Variants in NPAS3 observed in about 807,000 individuals in gnomAD.
NPAS3 encodes neuronal PAS domain-containing protein 3.
In NPAS3, 14 loss-of-function variants were observed where a neutral mutation model predicts 73.1. That is an observed-to-expected ratio of 0.19 (90% CI 0.13 to 0.30). The LOEUF is 0.30. Among genes scored for constraint, NPAS3 ranks in the 10% least tolerant of loss-of-function variants. The pLI is 1.00. For synonymous variants in NPAS3, 620 were observed against 541.5 expected (o/e 1.14, Z -2.01); for missense variants, 1,096 against 1,250.0 (o/e 0.88, Z 1.86).
chr14:33,576,754 A>T (rs1053173330), intron 5 of NPAS3, among the ~76,000 whole-genome samples: 2 of 152,236 alleles, frequency 1.3e-5, no homozygotes, highest in East Asian at 3.8e-4. Flanking sequence ...CGAGAATAAA[A>T]CACAATGTTT....
intron 4 of NPAS3, among the ~76,000 whole-genome samples, chr14:33,543,991 ATATATATAT>A (rs2054654657): frequency 2.6e-5 from 1 of 38,056 alleles, no homozygotes; most frequent in African/African-American, 2.1e-4. Flanking sequence ...ATATATATAT[ATATATATAT>A]ATCTATATCA....
At chr14:33,209,117 AAAG>A (rs2046937646) in intron 2 of NPAS3, among the ~76,000 whole-genome samples, 1 of 152,188 alleles carries the variant, frequency 6.6e-6, no homozygotes, top group Non-Finnish European at 1.5e-5. Context: ...TTTACACCTT[AAAG>A]AAGATTTCTG....
intron 2 of NPAS3, among the ~76,000 whole-genome samples, chr14:33,105,137 A>G (rs1428960170): frequency 1.3e-5 from 2 of 152,212 alleles, no homozygotes; most frequent in Admixed American, 6.6e-5. Context: ...ATCACCAAAC[A>G]TACATCACAC....
rs138673662 is a variant in NPAS3, at chr14:33,440,173, G to A, written c.468+72905G>A. On this transcript the variant is annotated intron_variant, in intron 4 of 11. Transcript: ENST00000356141. ...GGGAGAGTGGCTGATTGTTGAAGCC[G>A]GATGGAACCTGTGAAATTACCCAGC... is the stretch of plus-strand genomic sequence containing the variant. Among the ~76,000 whole-genome samples the A allele has an allele frequency of 4.0e-5, 6 of 151,754 alleles. No homozygotes were observed. The East Asian group carries it at 7.8e-4, about 20-fold the overall frequency.
intron 2 of NPAS3, among the ~76,000 whole-genome samples, chr14:33,119,464 A>G (rs1340549879): frequency 6.6e-6 from 1 of 152,150 alleles, no homozygotes; most frequent in Non-Finnish European, 1.5e-5. Flanking sequence ...ATCAAGGGAC[A>G]TGTAAGTTTC....
chr14:33,204,557 A>C lies in NPAS3; in HGVS notation c.141-10625A>C, dbSNP rs149633964. 3.2e-3 allele frequency among the ~76,000 whole-genome samples: 486 copies of C among 152,196 alleles called. 4 individuals carry two copies. Among genetic ancestry groups the C allele is most frequent in the African/African-American group, 0.011 (472 of 41,524 alleles). ...GATTTGTATACGTTTTCTCCTCCGTAAGAGCCTGTAGCTGCCGTCAGGTTT... is the reference window on the plus strand; with the variant it reads ...GATTTGTATACGTTTTCTCCTCCGTCAGAGCCTGTAGCTGCCGTCAGGTTT... On this transcript the variant is annotated intron_variant, in intron 2 of 11. Transcript: ENST00000356141.
At chr14:33,539,266 G>A (rs1000910277) in intron 4 of NPAS3, among the ~76,000 whole-genome samples, 6 of 152,186 alleles carry the variant, frequency 3.9e-5, no homozygotes, top group Middle Eastern at 6.8e-3. Flanking sequence ...CTAGGGAAGT[G>A]GAGGGCAGGG....
In NPAS3 at chr14:33,297,767, C is replaced by G. The variant is rs147348057; in HGVS notation, c.386-69419C>G. On this transcript the variant is annotated intron_variant, in intron 3 of 11. Transcript: ENST00000356141. Reference sequence around the variant, plus strand: ...GACATTTCCAACTCTTGCCAGAGGACCTTTCTGAGCTCGCTAGTTCACTGG... The same window carrying G: ...GACATTTCCAACTCTTGCCAGAGGAGCTTTCTGAGCTCGCTAGTTCACTGG... Among the ~76,000 whole-genome samples the G allele has an allele frequency of 6.0e-3, 908 of 152,248 alleles. 14 individuals are homozygous for G. The highest frequency in any genetic ancestry group is 0.02 in the African/African-American group (834 of 41,534).
intron 2 of NPAS3, among the ~76,000 whole-genome samples, chr14:33,208,708 G>A (rs570188186): frequency 6.6e-6 from 1 of 152,122 alleles, no homozygotes; most frequent in Non-Finnish European, 1.5e-5. Flanking sequence ...AAGAATGAAG[G>A]TCAAACTGAT....
intron 2 of NPAS3, among the ~76,000 whole-genome samples, chr14:33,087,556 C>A (rs1197581771): frequency 6.6e-6 from 1 of 151,956 alleles, no homozygotes; most frequent in Non-Finnish European, 1.5e-5. Context: ...TTTGTATTGG[C>A]TAAATGTTTT....
At chr14:33,623,599 C>T (rs2058141425) in intron 5 of NPAS3, among the ~76,000 whole-genome samples, 1 of 152,218 alleles carries the variant, frequency 6.6e-6, no homozygotes, top group Non-Finnish European at 1.5e-5. Context: ...CCTGTGCAAA[C>T]ATAAGTCAGA....
At chr14:32,988,415 C>T (rs1238031707) in intron 1 of NPAS3, among the ~76,000 whole-genome samples, 1 of 151,818 alleles carries the variant, frequency 6.6e-6, no homozygotes, top group African/African-American at 2.4e-5. Flanking sequence ...ACAGACACAT[C>T]CTATACATTA....
intron 5 of NPAS3, among the ~76,000 whole-genome samples, chr14:33,670,624 CAAAA>C (rs755412371): frequency 7.4e-6 from 1 of 134,896 alleles, no homozygotes; most frequent in Non-Finnish European, 1.6e-5. Flanking sequence ...GACCCCCCCT[CAAAA>C]AAAAAAAAAA....
At chr14:33,767,828 A>G (rs999714897) in intron 7 of NPAS3, among the ~76,000 whole-genome samples, 1 of 152,160 alleles carries the variant, frequency 6.6e-6, no homozygotes, top group African/African-American at 2.4e-5. Flanking sequence ...GTATTGACAG[A>G]GGGGAGGTTT....
intron 7 of NPAS3, among the ~76,000 whole-genome samples, chr14:33,764,672 T>A (rs895640759): frequency 2.0e-5 from 3 of 152,156 alleles, no homozygotes; most frequent in African/African-American, 7.2e-5. Flanking sequence ...CTCAAGACAG[T>A]GACACTAAGC....
intron 3 of NPAS3, among the ~76,000 whole-genome samples, chr14:33,329,621 AG>A (rs947527695): frequency 6.6e-6 from 1 of 152,094 alleles, no homozygotes; most frequent in Non-Finnish European, 1.5e-5. Flanking sequence ...ATAGTCTCAG[AG>A]GAGGTTGGTG....
intron 5 of NPAS3, among the ~76,000 whole-genome samples, chr14:33,624,244 C>T (rs1567063539): frequency 6.6e-6 from 1 of 152,134 alleles, no homozygotes; most frequent in Non-Finnish European, 1.5e-5. Flanking sequence ...CCTAGAACAG[C>T]ATGTGACAGA....
At chr14:33,521,437 C>T (rs2053549164) in intron 4 of NPAS3, among the ~76,000 whole-genome samples, 1 of 150,800 alleles carries the variant, frequency 6.6e-6, no homozygotes, top group Non-Finnish European at 1.5e-5. Context: ...TTATCTTTGC[C>T]CTGAGGGCTG....
chr14:33,720,844 T>C (rs1327402375), intron 6 of NPAS3, among the ~76,000 whole-genome samples: 7 of 152,060 alleles, frequency 4.6e-5, no homozygotes. Flanking sequence ...TAAGAGAGAA[T>C]CCTCAATCAT....
Sources: gnomAD v4.1 joint callset for allele counts (sites outside exome capture counted in the v4.1 genomes callset) on GRCh38, gnomAD v4.1.1 for gene constraint, MANE v1.5 for transcripts, NCBI Gene and HGNC (gene_info 2026-07-23, HGNC 2026-07-21) for gene names.